The following GBE1 variants were observed in gnomAD, a reference collection of about 807,000 sequenced individuals.
GBE1 encodes the protein 1,4-alpha-glucan-branching enzyme.
GBE1 carries 70 observed loss-of-function variants against 88.8 expected under a neutral mutation model. The observed-to-expected ratio is 0.79, with a 90% CI of 0.65 to 0.96. GBE1 has a LOEUF of 0.96. GBE1 is among the 40% of genes least tolerant of loss of function. GBE1 has a pLI of 0.00. For missense variants in GBE1, 872 were observed against 871.0 expected (o/e 1.00, Z -0.01); for synonymous variants, 284 against 300.1 (o/e 0.95, Z 0.56).
chr3:81,726,303 G>A (rs1706111186), intron 1 of GBE1, among the ~76,000 whole-genome samples: 1 of 152,098 alleles, frequency 6.6e-6, no homozygotes, highest in African/African-American at 2.4e-5. Flanking sequence ...AGTACGTCAT[G>A]CTTCAGTGCC....
intron 14 of GBE1, among the ~76,000 whole-genome samples, chr3:81,528,668 G>A (rs1576134064): frequency 1.3e-5 from 2 of 151,730 alleles, no homozygotes; most frequent in Admixed American, 1.3e-4. Context: ...TCCAGTGTGG[G>A]GTGCATATCT....
intron 1 of GBE1, among the ~76,000 whole-genome samples, chr3:81,717,288 A>G (rs1438607515): frequency 6.6e-6 from 1 of 152,174 alleles, no homozygotes; most frequent in Non-Finnish European, 1.5e-5. Context: ...TGGAAAAATT[A>G]CGTGGCAAAG....
intron 2 of GBE1, among the ~76,000 whole-genome samples, chr3:81,677,053 CA>C (rs1473072584): frequency 9.2e-5 from 14 of 152,216 alleles, no homozygotes; most frequent in Admixed American, 7.9e-4. Context: ...CTCCTTCAAA[CA>C]TTCCCAAACT....
chr3:81,529,649 T>C (rs1702988741), intron 14 of GBE1, among the ~76,000 whole-genome samples: 1 of 152,102 alleles, frequency 6.6e-6, no homozygotes, highest in South Asian at 2.1e-4. Context: ...TCTCCTGGCC[T>C]GTAAGGTTTC....
intron 1 of GBE1, among the ~76,000 whole-genome samples, chr3:81,709,709 CATTAT>C (rs1444186078): frequency 6.6e-6 from 1 of 152,108 alleles, no homozygotes; most frequent in Non-Finnish European, 1.5e-5. Context: ...ACGATTATAG[CATTAT>C]ATTACTTTAA....
chr3:81,614,109 G>A (rs1704217052), intron 7 of GBE1, among the ~76,000 whole-genome samples: 1 of 152,036 alleles, frequency 6.6e-6, no homozygotes, highest in Non-Finnish European at 1.5e-5. Flanking sequence ...GAAACTCCTG[G>A]GGTCAAGTGA....
chr3:81,646,840 T>A (rs1389099655), intron 5 of GBE1, among the ~76,000 whole-genome samples: 2 of 152,252 alleles, frequency 1.3e-5, no homozygotes, highest in South Asian at 2.1e-4. Flanking sequence ...TAAATAAAAA[T>A]AACCAATTGC....
intron 1 of GBE1, among the ~76,000 whole-genome samples, chr3:81,758,162 CACTT>C (rs1456361531): frequency 6.6e-6 from 1 of 152,216 alleles, no homozygotes; most frequent in African/African-American, 2.4e-5. Flanking sequence ...TCAAGCCCAT[CACTT>C]AGTTTCTTCA....
intron 3 of GBE1, among the ~76,000 whole-genome samples, chr3:81,651,499 T>A (rs2107078367): frequency 6.6e-6 from 1 of 152,316 alleles, no homozygotes; most frequent in South Asian, 2.1e-4. Flanking sequence ...CAGGTGTTGC[T>A]ATTATTCAAG....
chr3:81,694,061 A>G (rs1048650845), intron 2 of GBE1, among the ~76,000 whole-genome samples: 1 of 152,122 alleles, frequency 6.6e-6, no homozygotes, highest in African/African-American at 2.4e-5. Context: ...TTCCCTAAGA[A>G]CTCAGAGCCT....
intron 5 of GBE1, among the ~76,000 whole-genome samples, chr3:81,647,691 G>A (rs1339412520): frequency 1.3e-5 from 2 of 152,000 alleles, no homozygotes; most frequent in African/African-American, 4.8e-5. Flanking sequence ...ATTTTCTTAA[G>A]GTTTATATAA....
At chr3:81,716,198 T>A (rs1705934585) in intron 1 of GBE1, among the ~76,000 whole-genome samples, 1 of 152,204 alleles carries the variant, frequency 6.6e-6, no homozygotes, top group South Asian at 2.1e-4. Context: ...ATAGTTTTGT[T>A]CTTACTTAGT....
intron 7 of GBE1, among the ~76,000 whole-genome samples, chr3:81,637,327 G>A (rs912619847): frequency 2.6e-5 from 4 of 152,016 alleles, no homozygotes; most frequent in Non-Finnish European, 4.4e-5. Flanking sequence ...GCTTATTTCT[G>A]GAATTTTCCA....
chr3:81,570,540 T>A (rs775336332), intron 12 of GBE1, among the ~76,000 whole-genome samples: 11 of 152,204 alleles, frequency 7.2e-5, no homozygotes, highest in Non-Finnish European at 1.3e-4. Flanking sequence ...AAAAAGTGCA[T>A]GATCTTTATA....
chr3:81,682,273 G>A (rs1278647235), intron 2 of GBE1, among the ~76,000 whole-genome samples: 1 of 151,946 alleles, frequency 6.6e-6, no homozygotes, highest in Admixed American at 6.6e-5. Context: ...GACCACCCTG[G>A]GCAACATAAC....
chr3:81,507,604 T>C (rs1483395408), intron 14 of GBE1, among the ~76,000 whole-genome samples: 1 of 151,892 alleles, frequency 6.6e-6, no homozygotes, highest in Non-Finnish European at 1.5e-5. Flanking sequence ...TACTAGCGAA[T>C]GTAATCAAAG....
chr3:81,591,714 T>G (rs1304909002), intron 8 of GBE1, among the ~76,000 whole-genome samples: 1 of 152,128 alleles, frequency 6.6e-6, no homozygotes, highest in Non-Finnish European at 1.5e-5. Context: ...CTTTGGTTGG[T>G]TATAGTATAT....
intron 14 of GBE1, among the ~76,000 whole-genome samples, chr3:81,527,723 G>A (rs1194085366): frequency 6.6e-6 from 1 of 152,098 alleles, no homozygotes. Flanking sequence ...AACAACAGGT[G>A]CTGGAGAGGA....
intron 7 of GBE1, among the ~76,000 whole-genome samples, chr3:81,622,398 C>A (rs1704345448): frequency 6.6e-6 from 1 of 152,196 alleles, no homozygotes; most frequent in African/African-American, 2.4e-5. Context: ...TTCTTAGCTT[C>A]CAGCTTCTGT....
Sources: allele counts gnomAD v4.1 joint callset (sites outside exome capture counted in the v4.1 genomes callset), GRCh38; gene constraint gnomAD v4.1.1; transcripts MANE v1.5; gene names NCBI Gene and HGNC (gene_info 2026-07-23, HGNC 2026-07-21).